CCDC170: variants seen among roughly 807,000 people sequenced by gnomAD.
CCDC170 encodes coiled-coil domain containing 170.
Under a neutral mutation model 72.6 loss-of-function variants are expected in CCDC170, and 69 were observed. The ratio of observed to expected loss-of-function variants is 0.95; its 90% confidence interval spans 0.78 to 1.16. The LOEUF is 1.16. Ranked by LOEUF, CCDC170 falls within the 50% of genes most tolerant of loss-of-function variation. CCDC170 has a pLI of 0.00. For synonymous variants in CCDC170, 300 were observed against 303.9 expected, an observed-to-expected ratio of 0.99 and a Z score of 0.13; for missense variants, 852 against 832.5, an observed-to-expected ratio of 1.02 and a Z score of -0.29.
At chr6:151,599,713 G>A (rs1198417464) in intron 9 of CCDC170, among the ~76,000 whole-genome samples, 1 of 152,200 alleles carries the variant, frequency 6.6e-6, no homozygotes, top group Non-Finnish European at 1.5e-5. Flanking sequence ...AAGTACAGCA[G>A]TGCGATAATG....
chr6:151,509,310 T>C (rs1782113829), intron 1 of CCDC170, among the ~76,000 whole-genome samples: 1 of 152,118 alleles, frequency 6.6e-6, no homozygotes, highest in South Asian at 2.1e-4. Context: ...AACAGGGACT[T>C]CTCATTCCAC....
chr6:151,589,779 A>T (rs975682841), intron 7 of CCDC170, among the ~76,000 whole-genome samples: 2 of 152,070 alleles, frequency 1.3e-5, no homozygotes, highest in Non-Finnish European at 2.9e-5. Context: ...TGCCCCCAGG[A>T]TCAGGTACAG....
intron 5 of CCDC170, among the ~76,000 whole-genome samples, chr6:151,552,325 T>A (rs2115062785): frequency 6.6e-6 from 1 of 152,318 alleles, no homozygotes; most frequent in South Asian, 2.1e-4. Context: ...TTTTTTTCTC[T>A]TCTGCAGTTA....
intron 8 of CCDC170, among the ~76,000 whole-genome samples, chr6:151,594,621 T>A (rs999577671): frequency 6.6e-6 from 1 of 151,912 alleles, no homozygotes; most frequent in Non-Finnish European, 1.5e-5. Context: ...TTTACCAGTG[T>A]AAAATTGCAA....
chr6:151,602,511 T>C lies in CCDC170; in HGVS notation c.1710+5934T>C, dbSNP rs144929649. Among the ~76,000 whole-genome samples the C allele has an allele frequency of 2.2e-3, 339 of 152,292 alleles. 3 individuals carry two copies. The highest frequency in any genetic ancestry group is 0.017 in the Admixed American group (258 of 15,292). The stretch of plus-strand genomic sequence containing the variant: ...TTGGCTCTGTGTCCCTACCCAAATG[T>C]CATCTTGAATTGTAATCCCCATGTA... On this transcript the variant is annotated intron_variant, in intron 9 of 10. Coordinates refer to ENST00000239374, the MANE Select transcript of CCDC170 (RefSeq NM_025059.4).
intron 9 of CCDC170, among the ~76,000 whole-genome samples, chr6:151,608,563 C>A (rs1333894364): frequency 6.6e-6 from 1 of 152,162 alleles, no homozygotes; most frequent in African/African-American, 2.4e-5. Flanking sequence ...TGTATGATTT[C>A]TTTAGCTGTA....
At chr6:151,575,530 T>TTC (rs1583033778) in intron 6 of CCDC170, among the ~76,000 whole-genome samples, 1 of 111,146 alleles carries the variant, frequency 9.0e-6, no homozygotes, top group Admixed American at 8.8e-5. Flanking sequence ...TCTTTCTTTT[T>TTC]TTTTTTTTTT....
At chr6:151,528,356 G>GA (rs1006280474) in intron 1 of CCDC170, among the ~76,000 whole-genome samples, 2 of 152,138 alleles carry the variant, frequency 1.3e-5, no homozygotes, top group African/African-American at 4.8e-5. Context: ...AATTAAGAGA[G>GA]AAAACCCCCA....
chr6:151,544,774 T>G, intron 4 of CCDC170, 58 bp downstream of exon 4: 1 of 1,536,050 alleles, frequency 6.5e-7, no homozygotes, highest in Non-Finnish European at 8.9e-7. Context: ...ACATGTGGCA[T>G]GAAAGGAAGT....
chr6:151,586,779 T>G (rs572324699), intron 7 of CCDC170, among the ~76,000 whole-genome samples: 1 of 152,110 alleles, frequency 6.6e-6, no homozygotes, highest in African/African-American at 2.4e-5. Flanking sequence ...ATTTTATGTT[T>G]ATGTTTATTA....
At chr6:151,516,533 G>A (rs1782238599) in intron 1 of CCDC170, among the ~76,000 whole-genome samples, 1 of 152,082 alleles carries the variant, frequency 6.6e-6, no homozygotes, top group African/African-American at 2.4e-5. Context: ...TGTTGTCTAG[G>A]GTAAATACCC....
At chr6:151,551,379 A>G (rs1782876186) in intron 5 of CCDC170, among the ~76,000 whole-genome samples, 1 of 152,216 alleles carries the variant, frequency 6.6e-6, no homozygotes. Flanking sequence ...GCCGGATACC[A>G]TCTGTGGTGG....
intron 3 of CCDC170, among the ~76,000 whole-genome samples, chr6:151,543,748 T>C (rs1782729408): frequency 6.6e-6 from 1 of 152,200 alleles, no homozygotes; most frequent in Non-Finnish European, 1.5e-5. Context: ...TGACTTATTT[T>C]GCTTAACATA....
chr6:151,548,438 A>G lies in CCDC170; in HGVS notation c.723A>G (p.Arg241=), dbSNP rs1256643175. The change falls in exon 5 of 11, where the codon AGA becomes AGG. Residue 241 remains arginine (R), a synonymous_variant. Coordinates refer to ENST00000239374, the MANE Select transcript of CCDC170 (RefSeq NM_025059.4). ...TIMRLASEVN[R]EQKKAASCTE... ...TGAGGCTGGCTTCAGAAGTCAACAG[A>G]GAGCAGAAAAAAGCTGCCTCCTGTA... 3.1e-6 allele frequency: 5 copies of G among 1,610,636 alleles called. No individual in the cohort carries two copies. Among genetic ancestry groups the G allele is most frequent in the Non-Finnish European group, 4.2e-6 (5 of 1,178,612 alleles).
intron 5 of CCDC170, among the ~76,000 whole-genome samples, chr6:151,567,916 G>A (rs982485432): frequency 5.3e-5 from 8 of 151,970 alleles, no homozygotes; most frequent in Non-Finnish European, 1.0e-4. Flanking sequence ...TTCAAGACCA[G>A]CCTGACCAAC....
At chr6:151,526,359 C>T (rs1393260734) in intron 1 of CCDC170, among the ~76,000 whole-genome samples, 1 of 151,140 alleles carries the variant, frequency 6.6e-6, no homozygotes, top group African/African-American at 2.4e-5. Context: ...GTAGCTGGAA[C>T]TACAGGCATG....
Position 151,564,491 on chromosome 6 carries a change from C to T in CCDC170, c.775-8683C>T, listed in dbSNP as rs542328552. 2.6e-5 allele frequency among the ~76,000 whole-genome samples: 4 copies of T among 152,270 alleles called. No homozygotes were observed. In the East Asian group the frequency reaches 7.7e-4, roughly 29 times the overall value. ...GGTGGGTCTATACTGGCAGTGGCAG[C>T]AGCAGGTGGGTCTTTCAGTCCCTGG... On this transcript the variant is annotated intron_variant, in intron 5 of 10. Transcript: ENST00000239374.
intron 5 of CCDC170, among the ~76,000 whole-genome samples, chr6:151,558,533 T>A (rs185646712): frequency 6.6e-6 from 1 of 152,312 alleles, no homozygotes; most frequent in East Asian, 1.9e-4. Flanking sequence ...AGTTTTAGGT[T>A]TAAGTCATTA....
At chr6:151,526,525 T>C (rs2115037672) in intron 1 of CCDC170, among the ~76,000 whole-genome samples, 1 of 150,940 alleles carries the variant, frequency 6.6e-6, no homozygotes, top group South Asian at 2.1e-4. Context: ...TGGCCTTTTT[T>C]TTTTTTTTTG....
Sources: gnomAD v4.1 joint callset for allele counts (sites outside exome capture counted in the v4.1 genomes callset) on GRCh38, gnomAD v4.1.1 for gene constraint, MANE v1.5 for transcripts, NCBI Gene and HGNC (gene_info 2026-07-23, HGNC 2026-07-21) for gene names.